Variants in EXOC4 observed in about 807,000 individuals in gnomAD.
The protein encoded by EXOC4 is SEC8-like 1.
EXOC4 carries 71 observed loss-of-function variants against 107.2 expected under a neutral mutation model. The observed-to-expected ratio is 0.66, with a 90% CI of 0.55 to 0.81. The LOEUF (loss-of-function observed/expected upper bound fraction) is 0.81, where lower values mean the gene tolerates loss of function less well. Ranked by LOEUF, EXOC4 falls within the 30% of genes least tolerant of loss-of-function variation. The probability of loss-of-function intolerance (pLI) is 0.00; values close to 1 mark genes in which losing one functional copy is unlikely to be tolerated. For missense variants in EXOC4, 1,108 were observed against 1,189.6 expected (o/e 0.93, Z 1.01); for synonymous variants, 456 against 441.2 (o/e 1.03, Z -0.42).
Position 134,065,450 on chromosome 7 carries a change from G to A in EXOC4, c.*922G>A, listed in dbSNP as rs1283174768. The A allele has an allele frequency of 6.6e-6, 1 of 152,224 alleles. No individual in the cohort carries two copies. The highest frequency in any genetic ancestry group is 6.5e-5 in the Admixed American group (1 of 15,280). The allele number at this position is 152,224 out of a possible 1,614,324, so 9.4% of individuals were successfully genotyped here. A position where few individuals can be genotyped will look rare whatever the true frequency, so the allele number is the denominator to read the frequency against. ...ACATTTCTCCTCTGTGCGGCCTCCA[G>A]CTGAGCCTGTCTCTGAATTGTTCCC... On this transcript the variant is annotated 3_prime_UTR_variant, in exon 18 of 18. Coordinates refer to ENST00000253861, the MANE Select transcript of EXOC4 (RefSeq NM_021807.4).
intron 11 of EXOC4, among the ~76,000 whole-genome samples, chr7:133,866,951 G>A (rs1040906485): frequency 2.6e-5 from 4 of 152,194 alleles, no homozygotes; most frequent in African/African-American, 9.7e-5. Context: ...TCTGTCCATC[G>A]TCGTCTTTGC....
intron 11 of EXOC4, among the ~76,000 whole-genome samples, chr7:133,878,472 A>G (rs1798895930): frequency 6.6e-6 from 1 of 152,186 alleles, no homozygotes; most frequent in African/African-American, 2.4e-5. Context: ...TTGAAGTTAA[A>G]TGTTTTTAGT....
intron 10 of EXOC4, among the ~76,000 whole-genome samples, chr7:133,633,208 G>C (rs78796027): frequency 2.0e-5 from 3 of 152,284 alleles, no homozygotes; most frequent in East Asian, 3.9e-4. Flanking sequence ...CCTATACCTT[G>C]TGGGAGGATA....
rs577067122 is a variant in EXOC4, at chr7:133,535,129, G to A, written c.1417+54991G>A. Among the ~76,000 whole-genome samples the A allele has an allele frequency of 2.2e-4, 34 of 152,256 alleles. No individual in the cohort carries two copies. The South Asian group carries it at 7.1e-3, about 32-fold the overall frequency. ...TTTGAGTGTCAAATGCTTATCTGTTGAGAGCCCACTGTAAAACTGAATGTC... is the reference window on the plus strand; with the variant it reads ...TTTGAGTGTCAAATGCTTATCTGTTAAGAGCCCACTGTAAAACTGAATGTC... On this transcript the variant is annotated intron_variant, in intron 9 of 17. Coordinates refer to ENST00000253861, the MANE Select transcript of EXOC4 (RefSeq NM_021807.4).
chr7:133,826,269 C>T (rs1302442526), intron 11 of EXOC4, among the ~76,000 whole-genome samples: 1 of 152,058 alleles, frequency 6.6e-6, no homozygotes, highest in East Asian at 1.9e-4. Flanking sequence ...AGTTGTGTTA[C>T]TTATGTATTG....
At chr7:133,425,931 G>A (rs970494816) in intron 7 of EXOC4, among the ~76,000 whole-genome samples, 1 of 152,110 alleles carries the variant, frequency 6.6e-6, no homozygotes, top group African/African-American at 2.4e-5. Context: ...GGACCAAACC[G>A]TTATATTTCC....
chr7:133,986,764 A>G (rs927228546), intron 14 of EXOC4, among the ~76,000 whole-genome samples: 2 of 152,238 alleles, frequency 1.3e-5, no homozygotes, highest in African/African-American at 4.8e-5. Flanking sequence ...GCAATAAATA[A>G]AATGTAGGGA....
chr7:133,320,022 G>A (rs1026492702), intron 5 of EXOC4, among the ~76,000 whole-genome samples: 1 of 151,970 alleles, frequency 6.6e-6, no homozygotes, highest in South Asian at 2.1e-4. Context: ...TTTATTATCA[G>A]TCCCATTTTA....
chr7:133,601,262 C>T, intron 9 of EXOC4, among the ~76,000 whole-genome samples: 1 of 151,522 alleles, frequency 6.6e-6, no homozygotes, highest in East Asian at 1.9e-4. Context: ...TACTGATAGT[C>T]CTGTTATTTT....
At chr7:133,264,965 G>C (rs1262777830) in intron 1 of EXOC4, among the ~76,000 whole-genome samples, 1 of 152,078 alleles carries the variant, frequency 6.6e-6, no homozygotes, top group Non-Finnish European at 1.5e-5. Flanking sequence ...TATTTTAAAG[G>C]CAAAGAGAAA....
chr7:133,335,484 T>G (rs1795491761), intron 5 of EXOC4, among the ~76,000 whole-genome samples: 1 of 152,242 alleles, frequency 6.6e-6, no homozygotes, highest in Admixed American at 6.5e-5. Context: ...GTTATTTCAC[T>G]TAGCATAATA....
intron 11 of EXOC4, among the ~76,000 whole-genome samples, chr7:133,851,341 G>A (rs1014015923): frequency 3.9e-5 from 6 of 152,186 alleles, no homozygotes; most frequent in African/African-American, 1.4e-4. Context: ...CAGAGAGGTG[G>A]TATGTTTTTT....
intron 14 of EXOC4, among the ~76,000 whole-genome samples, chr7:133,988,330 T>C (rs554883735): frequency 6.6e-6 from 1 of 152,202 alleles, no homozygotes; most frequent in Non-Finnish European, 1.5e-5. Context: ...CTCAGAAAAC[T>C]AAGGAGAAAG....
At chr7:134,011,293 A>C (rs186824190) in intron 17 of EXOC4, among the ~76,000 whole-genome samples, 3 of 152,272 alleles carry the variant, frequency 2.0e-5, no homozygotes, top group Admixed American at 1.3e-4. Flanking sequence ...GGAGTCCCCA[A>C]GATATATCTG....
intron 10 of EXOC4, chr7:133,727,471 C>G (rs1344250405): frequency 6.5e-6 from 1 of 152,896 alleles, no homozygotes; most frequent in Non-Finnish European, 1.5e-5. Context: ...TTGTCCTCTT[C>G]ACAGACACAG....
chr7:133,927,893 G>A (rs1488790724), intron 13 of EXOC4, among the ~76,000 whole-genome samples: 2 of 152,118 alleles, frequency 1.3e-5, no homozygotes, highest in Non-Finnish European at 2.9e-5. Context: ...TAATGTTCAA[G>A]ATGATTGAAT....
chr7:133,914,598 G>A (rs1469893019), intron 12 of EXOC4, among the ~76,000 whole-genome samples: 1 of 151,686 alleles, frequency 6.6e-6, no homozygotes, highest in Non-Finnish European at 1.5e-5. Flanking sequence ...TGTACTACCT[G>A]CGTAGGGAGA....
intron 15 of EXOC4, among the ~76,000 whole-genome samples, chr7:133,997,950 T>C (rs1794436649): frequency 6.6e-6 from 1 of 152,166 alleles, no homozygotes; most frequent in African/African-American, 2.4e-5. Flanking sequence ...AAAATGGAAA[T>C]GATAGTTTCT....
chr7:133,847,731 G>T (rs981940977), intron 11 of EXOC4, among the ~76,000 whole-genome samples: 2 of 150,456 alleles, frequency 1.3e-5, no homozygotes, highest in African/African-American at 2.4e-5. Context: ...GGTGGGGGAC[G>T]GAGTCTCGCT....
Sources: gnomAD v4.1 joint callset for allele counts (sites outside exome capture counted in the v4.1 genomes callset) on GRCh38, gnomAD v4.1.1 for gene constraint, MANE v1.5 for transcripts, NCBI Gene and HGNC (gene_info 2026-07-23, HGNC 2026-07-21) for gene names.